CDK14: variants seen among roughly 807,000 people sequenced by gnomAD.
CDK14 encodes the protein cyclin-dependent kinase 14.
Under a neutral mutation model 60.7 loss-of-function variants are expected in CDK14, and 34 were observed. The observed-to-expected ratio is 0.56, with a 90% CI of 0.43 to 0.75. CDK14 has a LOEUF of 0.75. Ranked by LOEUF, CDK14 falls within the 30% of genes least tolerant of loss-of-function variation. The pLI, the probability that CDK14 is intolerant of heterozygous loss-of-function variation, is 0.00. For missense variants in CDK14, 482 were observed against 564.1 expected (o/e 0.85, Z 1.47); for synonymous variants, 197 against 203.7 (o/e 0.97, Z 0.28).
At chr7:90,738,008 A>G (rs1803192492) in intron 3 of CDK14, among the ~76,000 whole-genome samples, 1 of 152,210 alleles carries the variant, frequency 6.6e-6, no homozygotes, top group Non-Finnish European at 1.5e-5. Flanking sequence ...TGAAGTTTAT[A>G]AAAATTGCAG....
intron 10 of CDK14, among the ~76,000 whole-genome samples, chr7:91,015,402 AC>A (rs1216630664): frequency 2.0e-5 from 3 of 151,860 alleles, no homozygotes; most frequent in African/African-American, 7.3e-5. Flanking sequence ...GATTGTACTT[AC>A]CCTATATGCC....
chr7:90,873,999 GACT>G (rs1271694957), intron 6 of CDK14, among the ~76,000 whole-genome samples: 3 of 152,092 alleles, frequency 2.0e-5, no homozygotes, highest in Non-Finnish European at 2.9e-5. Flanking sequence ...AGTGTACTGT[GACT>G]ACTTTTTCCT....
At chr7:91,195,095 G>T (rs943142775) in intron 14 of CDK14, among the ~76,000 whole-genome samples, 1 of 152,162 alleles carries the variant, frequency 6.6e-6, no homozygotes, top group Admixed American at 6.5e-5. Context: ...TTTATACCAG[G>T]AGGAAACCAA....
At chr7:90,952,151 A>G (rs1794282089) in intron 8 of CDK14, among the ~76,000 whole-genome samples, 1 of 152,178 alleles carries the variant, frequency 6.6e-6, no homozygotes. Flanking sequence ...GGGAGTGGTC[A>G]GCAGAGTCTA....
chr7:91,010,294 A>G (rs1277607492), intron 10 of CDK14, among the ~76,000 whole-genome samples: 3 of 151,780 alleles, frequency 2.0e-5, no homozygotes, highest in African/African-American at 4.8e-5. Context: ...AGTTACTACA[A>G]AAAAAAAGCC....
chr7:90,619,339 T>A (rs934718233), intron 2 of CDK14, among the ~76,000 whole-genome samples: 1 of 152,166 alleles, frequency 6.6e-6, no homozygotes, highest in Non-Finnish European at 1.5e-5. Context: ...ATGTAGGGGT[T>A]TAAGGAAACT....
rs141371494 is a variant in CDK14 at position 90,696,616 on chromosome 7, G to T, written c.124-29951G>T. ...AAGATTCCTATTATGTATCCTAAAG[G>T]ATTTGTCACATAAGTATTTGGATAT... On this transcript the variant is annotated intron_variant, in intron 2 of 14. Transcript: ENST00000380050. Among the ~76,000 whole-genome samples, 427 of 152,222 alleles carry T rather than the reference G, an allele frequency of 2.8e-3. 5 individuals are homozygous for T. The highest frequency in any genetic ancestry group is 9.9e-3 in the African/African-American group (411 of 41,520).
chr7:90,708,718 G>C (rs1801956757), intron 2 of CDK14, among the ~76,000 whole-genome samples: 1 of 152,134 alleles, frequency 6.6e-6, no homozygotes, highest in Non-Finnish European at 1.5e-5. Flanking sequence ...GGAGCTTTGG[G>C]AATATCGACC....
rs545725393 is a variant in CDK14 at position 90,748,863 on chromosome 7, A to G, written c.464+1088A>G. 2.4e-4 allele frequency among the ~76,000 whole-genome samples: 37 copies of G among 152,324 alleles called. 1 individual carries two copies. The South Asian group carries it at 7.7e-3, about 32-fold the overall frequency. ...CTCGGCCACCCAAAGTGTTGGGATT[A>G]CAGGCATGAACCACTGCACCCAGCC... On this transcript the variant is annotated intron_variant, in intron 4 of 14. Transcript: ENST00000380050.
rs369573642 is a variant in CDK14 at position 90,714,296 on chromosome 7, A to G, written c.124-12271A>G. On this transcript the variant is annotated intron_variant, in intron 2 of 14. Transcript: ENST00000380050. ...GTAAATGAAATCTTGCTAAAAATACAAAGTTGACAGTGAAACGCTTCTGGA... is the reference window on the plus strand; with the variant it reads ...GTAAATGAAATCTTGCTAAAAATACGAAGTTGACAGTGAAACGCTTCTGGA... Among the ~76,000 whole-genome samples, 16 of 152,190 alleles carry G rather than the reference A, an allele frequency of 1.1e-4. No individual in the cohort carries two copies. In the East Asian group the frequency reaches 2.1e-3, roughly 20 times the overall value.
chr7:91,015,753 A>G (rs375147087), intron 10 of CDK14, among the ~76,000 whole-genome samples: 1 of 150,650 alleles, frequency 6.6e-6, no homozygotes, highest in African/African-American at 2.4e-5. Flanking sequence ...ACCTTACTTC[A>G]TGGAATATGG....
chr7:90,646,300 CT>C (rs56994508), intron 2 of CDK14, among the ~76,000 whole-genome samples: 85,209 of 143,146 alleles, frequency 0.6, 25,014 homozygotes, highest in East Asian at 0.74. Context: ...GTATGAAGGA[CT>C]TTTTTTTTTT....
At chr7:90,837,972 A>G (rs372309648) in intron 5 of CDK14, among the ~76,000 whole-genome samples, 6 of 152,280 alleles carry the variant, frequency 3.9e-5, no homozygotes, top group African/African-American at 1.4e-4. Flanking sequence ...AAACATATGT[A>G]GGATGCCTGT....
intron 7 of CDK14, among the ~76,000 whole-genome samples, chr7:90,902,064 T>C (rs1373659448): frequency 6.6e-6 from 1 of 152,058 alleles, no homozygotes; most frequent in African/African-American, 2.4e-5. Flanking sequence ...GAAAGATCTG[T>C]ATAAGAAAAC....
At chr7:91,106,154 A>G (rs1336138637) in intron 12 of CDK14, among the ~76,000 whole-genome samples, 1 of 152,186 alleles carries the variant, frequency 6.6e-6, no homozygotes, top group Non-Finnish European at 1.5e-5. Flanking sequence ...GAAACCTCAA[A>G]TTCAGGAAAC....
intron 12 of CDK14, among the ~76,000 whole-genome samples, chr7:91,091,516 T>TATATATATATATATATATAA (rs1297777867): frequency 7.1e-6 from 1 of 141,064 alleles, no homozygotes; most frequent in African/African-American, 2.7e-5. Context: ...TATATATATA[T>TATATATATATATATATATAA]AAATTAGCCA....
At chr7:90,972,019 G>C (rs1794946942) in intron 9 of CDK14, among the ~76,000 whole-genome samples, 1 of 152,024 alleles carries the variant, frequency 6.6e-6, no homozygotes, top group Admixed American at 6.6e-5. Context: ...TTTTACTTTT[G>C]TTTTTATTCT....
At chr7:91,080,488 G>A (rs930092721) in intron 12 of CDK14, among the ~76,000 whole-genome samples, 3 of 151,772 alleles carry the variant, frequency 2.0e-5, no homozygotes, top group Non-Finnish European at 1.5e-5. Flanking sequence ...CTAACCTGGG[G>A]CTTTGCATGT....
At chr7:91,034,350 G>T (rs183827699) in intron 10 of CDK14, among the ~76,000 whole-genome samples, 1 of 151,958 alleles carries the variant, frequency 6.6e-6, no homozygotes, top group Non-Finnish European at 1.5e-5. Flanking sequence ...ACAGTCATTC[G>T]CACTTTTTTC....
Sources: gnomAD v4.1 joint callset for allele counts (sites outside exome capture counted in the v4.1 genomes callset) on GRCh38, gnomAD v4.1.1 for gene constraint, MANE v1.5 for transcripts, NCBI Gene and HGNC (gene_info 2026-07-23, HGNC 2026-07-21) for gene names.